The following TSC22D1 variants were observed in gnomAD, a reference collection of about 807,000 sequenced individuals.
TSC22D1 encodes the protein TSC22 domain family protein 1.
A neutral mutation model predicts 74.2 loss-of-function variants in TSC22D1; 9 were observed. That is an observed-to-expected ratio of 0.12 (90% CI 0.07 to 0.21). TSC22D1 has a LOEUF of 0.21. Ranked by LOEUF, TSC22D1 falls within the 10% of genes least tolerant of loss-of-function variation. The pLI is 1.00. For synonymous variants in TSC22D1, 586 were observed against 492.5 expected, an observed-to-expected ratio of 1.19 and a Z score of -2.51; for missense variants, 1,427 against 1,304.7, an observed-to-expected ratio of 1.09 and a Z score of -1.44.
At chr13:44,441,355 G>C (rs1875185260) in intron 1 of TSC22D1, among the ~76,000 whole-genome samples, 2 of 152,320 alleles carry the variant, frequency 1.3e-5, no homozygotes, top group East Asian at 1.9e-4. Context: ...GGAACAATTA[G>C]ATAAGCTCAA....
chr13:44,460,031 A>G (rs1415522276), intron 1 of TSC22D1, among the ~76,000 whole-genome samples: 1 of 152,224 alleles, frequency 6.6e-6, no homozygotes, highest in African/African-American at 2.4e-5. Context: ...AGAAAACTCC[A>G]GCAAAGGTAC....
At chr13:44,495,067 A>C (rs565938252) in intron 1 of TSC22D1, among the ~76,000 whole-genome samples, 1 of 152,322 alleles carries the variant, frequency 6.6e-6, no homozygotes, top group African/African-American at 2.4e-5. Flanking sequence ...ATCAAACTAG[A>C]GGAGCAGAAA....
intron 1 of TSC22D1, chr13:44,474,337 G>A (rs1566129935): frequency 1.1e-6 from 1 of 948,990 alleles, no homozygotes. Context: ...AGTGCTTCAG[G>A]AAGTAGTCCC....
In TSC22D1 at chr13:44,575,273, A is replaced by C. The variant is rs1456609237; in HGVS notation, c.802T>G (p.Ser268Ala). 6.2e-7 allele frequency: 1 copy of C among 1,614,126 alleles called. No individual in the cohort carries two copies. The highest frequency in any genetic ancestry group is 2.2e-5 in the East Asian group (1 of 44,890). Reference protein sequence around the residue: ...VSRKLSTTGSSDSITPVAPTS... With the variant: ...VSRKLSTTGSADSITPVAPTS... ...GGTGCAACTGGTGTGATACTGTCAG[A>C]GCTTCCAGTTGTAGAGAGTTTTCTA... The change falls in exon 1 of 3, where the codon TCT becomes GCT. Residue 268 changes from serine to alanine, a missense_variant. Coordinates refer to ENST00000458659, the MANE Select transcript of TSC22D1 (RefSeq NM_183422.4).
At chr13:44,456,137 A>C (rs941302906) in intron 1 of TSC22D1, among the ~76,000 whole-genome samples, 2 of 152,208 alleles carry the variant, frequency 1.3e-5, no homozygotes, top group Non-Finnish European at 2.9e-5. Flanking sequence ...GGACCCTCGC[A>C]GTGAGTGTTA....
chr13:44,476,191 T>C (rs1877900242), intron 1 of TSC22D1, among the ~76,000 whole-genome samples: 1 of 152,228 alleles, frequency 6.6e-6, no homozygotes, highest in Non-Finnish European at 1.5e-5. Flanking sequence ...GATGTGATTA[T>C]TGACATATAC....
At chr13:44,539,150 CTTT>C in intron 1 of TSC22D1, 15 of 985,248 alleles carry the variant, frequency 1.5e-5, no homozygotes, top group Non-Finnish European at 1.8e-5. Context: ...TAGAAAATGA[CTTT>C]TGAGTATATT....
At chr13:44,566,597 A>G (rs1352765897) in intron 1 of TSC22D1, among the ~76,000 whole-genome samples, 1 of 152,216 alleles carries the variant, frequency 6.6e-6, no homozygotes, top group East Asian at 1.9e-4. Context: ...TTAATAGTAC[A>G]GTATTCTACC....
intron 1 of TSC22D1, among the ~76,000 whole-genome samples, chr13:44,486,227 T>C (rs778207909): frequency 6.6e-6 from 1 of 151,522 alleles, no homozygotes; most frequent in African/African-American, 2.4e-5. Flanking sequence ...AAAAAAACAA[T>C]CCACTATATG....
At chr13:44,533,877 G>A (rs1405524493) in intron 1 of TSC22D1, among the ~76,000 whole-genome samples, 1 of 152,194 alleles carries the variant, frequency 6.6e-6, no homozygotes, top group African/African-American at 2.4e-5. Flanking sequence ...ACTTAGCAAA[G>A]GTAATGATGG....
chr13:44,535,010 C>CAT (rs879671842), intron 1 of TSC22D1, among the ~76,000 whole-genome samples: 3 of 152,162 alleles, frequency 2.0e-5, no homozygotes, highest in Non-Finnish European at 4.4e-5. Flanking sequence ...TTGGAGGCTA[C>CAT]ATATACACAG....
At chr13:44,562,089 G>A (rs754051286) in intron 1 of TSC22D1, among the ~76,000 whole-genome samples, 2 of 152,026 alleles carry the variant, frequency 1.3e-5, no homozygotes, top group Non-Finnish European at 2.9e-5. Flanking sequence ...ACTCAGGCTG[G>A]AGTGCAGTGG....
chr13:44,455,412 G>A (rs1021758638), intron 1 of TSC22D1, among the ~76,000 whole-genome samples: 1 of 152,174 alleles, frequency 6.6e-6, no homozygotes, highest in South Asian at 2.1e-4. Flanking sequence ...TTTTCTGAAA[G>A]ACTCTTTTTT....
At chr13:44,536,941 A>G in intron 1 of TSC22D1, 1 of 876,536 alleles carries the variant, frequency 1.1e-6, no homozygotes, top group Non-Finnish European at 1.3e-6. Context: ...AAAAAAAAAA[A>G]AAAAAAAAAA....
intron 1 of TSC22D1, among the ~76,000 whole-genome samples, chr13:44,450,404 AGG>A (rs1170967834): frequency 1.3e-5 from 2 of 152,192 alleles, no homozygotes; most frequent in African/African-American, 4.8e-5. Flanking sequence ...TCCACATAAT[AGG>A]GTTTAAAGGG....
At chr13:44,514,463 C>G (rs1159983804) in intron 1 of TSC22D1, among the ~76,000 whole-genome samples, 1 of 151,830 alleles carries the variant, frequency 6.6e-6, no homozygotes, top group Non-Finnish European at 1.5e-5. Context: ...CTGGGAAAAA[C>G]GTTTACTACT....
At chr13:44,528,337 T>C (rs1391269484) in intron 1 of TSC22D1, among the ~76,000 whole-genome samples, 5 of 151,934 alleles carry the variant, frequency 3.3e-5, no homozygotes, top group Non-Finnish European at 1.5e-5. Flanking sequence ...CAAACCAAGC[T>C]TTCAGCCCAC....
intron 2 of TSC22D1, chr13:44,435,186 A>G (rs567806230): frequency 1.1e-5 from 3 of 265,904 alleles, no homozygotes; most frequent in African/African-American, 6.6e-5. Flanking sequence ...TGAGACCAGC[A>G]GCGGGGACGT....
At chr13:44,453,174 C>G (rs904296405) in intron 1 of TSC22D1, among the ~76,000 whole-genome samples, 2 of 152,222 alleles carry the variant, frequency 1.3e-5, no homozygotes, top group African/African-American at 4.8e-5. Context: ...TTAACCTTCT[C>G]CTTTGAATAT....
Sources: allele counts gnomAD v4.1 joint callset (sites outside exome capture counted in the v4.1 genomes callset), GRCh38; gene constraint gnomAD v4.1.1; transcripts MANE v1.5; gene names NCBI Gene and HGNC (gene_info 2026-07-23, HGNC 2026-07-21).